ZNF469: variants seen among roughly 807,000 people sequenced by gnomAD.
ZNF469 encodes the protein zinc finger protein 469.
In ZNF469, 1 loss-of-function variant was observed where a neutral mutation model predicts 1.0. The ratio of observed to expected loss-of-function variants is 1.00; its 90% CI spans 0.35 to 4.73. The LOEUF (loss-of-function observed/expected upper bound fraction) is 4.73, where lower values mean the gene tolerates loss of function less well. Among genes scored for constraint, ZNF469 ranks in the 30% most tolerant of loss-of-function variants. The pLI is 0.16. For synonymous variants in ZNF469, 2,703 were observed against 2,363.4 expected (o/e 1.14, Z -4.17); for missense variants, 6,100 against 5,356.3 (o/e 1.14, Z -4.33).
chr16:88,320,282 A>G, the ZNF469 span, among the ~76,000 whole-genome samples: 1 of 152,188 alleles, frequency 6.6e-6, no homozygotes, highest in East Asian at 1.9e-4. Flanking sequence ...TGCCCTCATG[A>G]TGGGAAGCCT....
At chr16:88,258,498 G>A in the ZNF469 span, among the ~76,000 whole-genome samples, 4 of 150,656 alleles carry the variant, frequency 2.7e-5, no homozygotes, top group South Asian at 8.4e-4. Context: ...GGCTAAAGGA[G>A]GCCCAGCACA....
the ZNF469 span, among the ~76,000 whole-genome samples, chr16:88,327,021 C>G: frequency 6.6e-6 from 1 of 152,188 alleles, no homozygotes; most frequent in Non-Finnish European, 1.5e-5. Flanking sequence ...CAGGGCGGCC[C>G]CGCCTCTCTG....
the ZNF469 span, among the ~76,000 whole-genome samples, chr16:88,289,972 G>A: frequency 6.6e-6 from 1 of 152,222 alleles, no homozygotes; most frequent in Non-Finnish European, 1.5e-5. Flanking sequence ...GCCTGAGGCT[G>A]TGTCAGAGCA....
chr16:88,125,828 A>G, the ZNF469 span, among the ~76,000 whole-genome samples: 1 of 152,318 alleles, frequency 6.6e-6, no homozygotes, highest in Non-Finnish European at 1.5e-5. Flanking sequence ...ATAGACAGAA[A>G]TACTGTTAAT....
the ZNF469 span, among the ~76,000 whole-genome samples, chr16:88,224,872 G>T: frequency 6.6e-6 from 1 of 152,222 alleles, no homozygotes; most frequent in Admixed American, 6.5e-5. Context: ...AGCGGCTCAG[G>T]GTGTTGAGCG....
chr16:88,130,729 A>G, the ZNF469 span, among the ~76,000 whole-genome samples: 10 of 138,556 alleles, frequency 7.2e-5, no homozygotes, highest in Admixed American at 2.2e-4. Flanking sequence ...AAAAAAAAAG[A>G]GGCACCTAAT....
At chr16:88,293,928 C>G in the ZNF469 span, among the ~76,000 whole-genome samples, 1 of 152,148 alleles carries the variant, frequency 6.6e-6, no homozygotes, top group Non-Finnish European at 1.5e-5. Context: ...TCACGTGACA[C>G]AGGTGGAGGG....
At chr16:88,267,708 G>A in the ZNF469 span, among the ~76,000 whole-genome samples, 1 of 150,304 alleles carries the variant, frequency 6.7e-6, no homozygotes, top group African/African-American at 2.5e-5. Flanking sequence ...GGGTGCACCT[G>A]TTGGGGGATT....
chr16:88,387,543 T>C (rs1844966406), intron 1 of ZNF469, among the ~76,000 whole-genome samples: 1 of 152,206 alleles, frequency 6.6e-6, no homozygotes, highest in Non-Finnish European at 1.5e-5. Flanking sequence ...GCTTGGGGGC[T>C]GTGACCCGGC....
At chr16:88,287,360 T>C in the ZNF469 span, among the ~76,000 whole-genome samples, 32 of 152,240 alleles carry the variant, frequency 2.1e-4, no homozygotes, top group African/African-American at 7.5e-4. Flanking sequence ...TTTCTCTAGG[T>C]GCACATGTAT....
chr16:88,376,281 C>CT, the ZNF469 span, among the ~76,000 whole-genome samples: 1 of 152,254 alleles, frequency 6.6e-6, no homozygotes. Context: ...TAGTTGTCCC[C>CT]TGGAGACATA....
At chr16:88,399,533 GAGCCACCTTCA>G (rs1904794881) in intron 1 of ZNF469, among the ~76,000 whole-genome samples, 1 of 152,220 alleles carries the variant, frequency 6.6e-6, no homozygotes, top group Non-Finnish European at 1.5e-5. Flanking sequence ...GGGGCAGACA[GAGCCACCTTCA>G]TGGGAGGGCC....
At chr16:88,165,381 T>C in the ZNF469 span, among the ~76,000 whole-genome samples, 22 of 152,148 alleles carry the variant, frequency 1.4e-4, no homozygotes, top group African/African-American at 5.3e-4. Flanking sequence ...TGAAAGGCCA[T>C]TGAGGGAGGA....
chr16:88,123,240 G>A, the ZNF469 span, among the ~76,000 whole-genome samples: 15 of 152,190 alleles, frequency 9.9e-5, no homozygotes, highest in East Asian at 9.7e-4. Flanking sequence ...CCAGGGTTTC[G>A]TGTCCATGGA....
chr16:88,102,730 G>A, the ZNF469 span, among the ~76,000 whole-genome samples: 1 of 152,232 alleles, frequency 6.6e-6, no homozygotes, highest in Admixed American at 6.5e-5. Context: ...GGATTGGGCT[G>A]TGAAAGAGGA....
upstream of ZNF469, among the ~76,000 whole-genome samples, chr16:88,382,405 C>T (rs1433496842): frequency 6.6e-6 from 1 of 152,240 alleles, no homozygotes; most frequent in Non-Finnish European, 1.5e-5. Context: ...GCCGAACTCA[C>T]GGGCCAGTCT....
chr16:88,200,446 G>A, the ZNF469 span, among the ~76,000 whole-genome samples: 1 of 152,248 alleles, frequency 6.6e-6, no homozygotes, highest in Non-Finnish European at 1.5e-5. Flanking sequence ...CCTGCCCCGT[G>A]GCCAGCAACA....
At chr16:88,340,260 A>G in the ZNF469 span, among the ~76,000 whole-genome samples, 1 of 152,192 alleles carries the variant, frequency 6.6e-6, no homozygotes, top group Non-Finnish European at 1.5e-5. Flanking sequence ...AGAGCACCTC[A>G]TAGGTGGGAG....
At chr16:88,160,515 C>T in the ZNF469 span, among the ~76,000 whole-genome samples, 6 of 152,108 alleles carry the variant, frequency 3.9e-5, no homozygotes, top group Admixed American at 6.5e-5. Context: ...GTCTTTTCTG[C>T]GGGTGCGGGA....
Sources: allele counts gnomAD v4.1 joint callset (sites outside exome capture counted in the v4.1 genomes callset), GRCh38; gene constraint gnomAD v4.1.1; transcripts MANE v1.5; gene names NCBI Gene and HGNC (gene_info 2026-07-23, HGNC 2026-07-21).